Variants in DPP6 observed in about 807,000 individuals in gnomAD.
DPP6 encodes the protein dipeptidyl peptidase like 6.
In DPP6, 69 loss-of-function variants were observed where a neutral mutation model predicts 122.6. The observed-to-expected ratio is 0.56, with a 90% confidence interval of 0.46 to 0.69. The LOEUF (loss-of-function observed/expected upper bound fraction) is 0.69. Ranked by LOEUF, DPP6 falls within the 30% of genes least tolerant of loss-of-function variation. DPP6 has a pLI of 0.00. For missense variants in DPP6, 928 were observed against 1,116.9 expected (o/e 0.83, Z 2.41); for synonymous variants, 418 against 433.1 (o/e 0.97, Z 0.43).
upstream of DPP6, among the ~76,000 whole-genome samples, chr7:154,049,581 C>CATTTATTTATTTATTTATTT (rs199596759): frequency 3.1e-4 from 41 of 133,266 alleles, 2 homozygotes; most frequent in South Asian, 1.7e-3. Context: ...AGGTATAGAA[C>CATTTATTTATTTATTTATTT]ATTTATTTAT....
At chr7:154,588,495 T>C (rs137914322) in intron 5 of DPP6, 1,754 of 166,470 alleles carry the variant, frequency 0.011, 14 homozygotes, top group Non-Finnish European at 0.015. Flanking sequence ...ACTGAGACTT[T>C]TCTTGCCTTT....
intron 1 of DPP6, among the ~76,000 whole-genome samples, chr7:154,350,913 A>G (rs748495175): frequency 1.3e-5 from 2 of 152,178 alleles, no homozygotes; most frequent in South Asian, 4.1e-4. Flanking sequence ...AAATGAAATC[A>G]TAAGGATGTA....
At chr7:154,281,346 C>G (rs767177282) in intron 1 of DPP6, among the ~76,000 whole-genome samples, 7 of 140,708 alleles carry the variant, frequency 5.0e-5, no homozygotes, top group Non-Finnish European at 1.1e-4. Flanking sequence ...GGATTCATAC[C>G]TCTAAATAAA....
At chr7:154,209,335 C>G (rs1320250988) in intron 1 of DPP6, among the ~76,000 whole-genome samples, 1 of 152,166 alleles carries the variant, frequency 6.6e-6, no homozygotes, top group African/African-American at 2.4e-5. Context: ...CTGGAGGGTT[C>G]CATGTTGAAG....
At chr7:153,792,945 G>A in the DPP6 span, among the ~76,000 whole-genome samples, 98 of 151,740 alleles carry the variant, frequency 6.5e-4, no homozygotes, top group African/African-American at 2.0e-3. Flanking sequence ...TCTTGCCACC[G>A]CCATGTAAGA....
chr7:154,160,722 C>A (rs536419066), intron 1 of DPP6, among the ~76,000 whole-genome samples: 1 of 152,058 alleles, frequency 6.6e-6, no homozygotes. Context: ...TATGTACATT[C>A]GGCTCACTTC....
At chr7:154,532,871 C>A (rs796907650) in intron 3 of DPP6, among the ~76,000 whole-genome samples, 20 of 152,202 alleles carry the variant, frequency 1.3e-4, no homozygotes, top group African/African-American at 4.8e-4. Flanking sequence ...GGTCTCTCTG[C>A]CCTTCCTCCA....
chr7:153,917,442 C>A (rs1446882927), intron 1 of DPP6, among the ~76,000 whole-genome samples: 1 of 152,206 alleles, frequency 6.6e-6, no homozygotes, highest in African/African-American at 2.4e-5. Context: ...CTCCATGAAG[C>A]AGATTGGGTC....
intron 1 of DPP6, among the ~76,000 whole-genome samples, chr7:153,944,301 T>C (rs1801836008): frequency 6.6e-6 from 1 of 152,022 alleles, no homozygotes; most frequent in Non-Finnish European, 1.5e-5. Context: ...GTGAGTTCTT[T>C]TTTGGCAGTT....
intron 1 of DPP6, among the ~76,000 whole-genome samples, chr7:154,175,951 G>A (rs937729816): frequency 1.3e-5 from 2 of 152,048 alleles, no homozygotes; most frequent in African/African-American, 2.4e-5. Context: ...GCCTCCCAAA[G>A]TTCTGGGATT....
chr7:154,201,155 T>C (rs1483197716), intron 1 of DPP6, among the ~76,000 whole-genome samples: 1 of 152,074 alleles, frequency 6.6e-6, no homozygotes, highest in Non-Finnish European at 1.5e-5. Context: ...GAGATGGAGT[T>C]TCCCTCCTGT....
At chr7:154,094,252 G>T (rs887756458) in intron 1 of DPP6, 1 of 152,126 alleles carries the variant, frequency 6.6e-6, no homozygotes, top group African/African-American at 2.4e-5. Context: ...CATAAACATT[G>T]ATTGAAAGGT....
At chr7:154,661,721 CCG>C (rs1837676771) in intron 6 of DPP6, among the ~76,000 whole-genome samples, 33 of 142,544 alleles carry the variant, frequency 2.3e-4, no homozygotes, top group African/African-American at 8.9e-4. Flanking sequence ...GGCATATTGG[CCG>C]TAGTGTTCAT....
intron 1 of DPP6, among the ~76,000 whole-genome samples, chr7:154,318,608 A>G (rs1042246520): frequency 3.3e-5 from 5 of 152,242 alleles, no homozygotes; most frequent in Non-Finnish European, 1.5e-5. Flanking sequence ...AAGATGTCCC[A>G]GTTCACACCT....
intron 6 of DPP6, among the ~76,000 whole-genome samples, chr7:154,650,667 C>T (rs989332937): frequency 1.3e-5 from 2 of 152,156 alleles, no homozygotes; most frequent in Non-Finnish European, 2.9e-5. Context: ...CACAGCACAG[C>T]GTTACCAGGA....
At chr7:154,783,727 C>T (rs1050565727) in intron 10 of DPP6, among the ~76,000 whole-genome samples, 3 of 152,206 alleles carry the variant, frequency 2.0e-5, no homozygotes, top group African/African-American at 7.2e-5. Context: ...CAGGCATCTG[C>T]AGGTCCCACG....
chr7:154,604,806 T>C (rs1279760605), intron 5 of DPP6, among the ~76,000 whole-genome samples: 1 of 120,430 alleles, frequency 8.3e-6, no homozygotes, highest in Non-Finnish European at 1.9e-5. Context: ...TTGGATAGTC[T>C]ATATGGACAT....
At chr7:154,125,949 G>A (rs3115109) in intron 1 of DPP6, among the ~76,000 whole-genome samples, 5 of 152,202 alleles carry the variant, frequency 3.3e-5, no homozygotes, top group South Asian at 2.1e-4. Flanking sequence ...CCAGGAATTC[G>A]GTAAAAATTG....
intron 5 of DPP6, among the ~76,000 whole-genome samples, chr7:154,574,625 T>G (rs1831376891): frequency 7.8e-6 from 1 of 127,898 alleles, no homozygotes; most frequent in Non-Finnish European, 1.7e-5. Context: ...TGTATGTGTG[T>G]GGTGTGTGTG....
Sources: allele counts gnomAD v4.1 joint callset (sites outside exome capture counted in the v4.1 genomes callset), GRCh38; gene constraint gnomAD v4.1.1; transcripts MANE v1.5; gene names NCBI Gene and HGNC (gene_info 2026-07-23, HGNC 2026-07-21).